Variants in ANKRD31 observed in about 807,000 individuals in gnomAD.
The protein encoded by ANKRD31 is ankyrin repeat domain-containing protein 31.
ANKRD31 carries 147 observed loss-of-function variants against 186.0 expected under a neutral mutation model. The ratio of observed to expected loss-of-function variants is 0.79; its 90% CI spans 0.69 to 0.91. The LOEUF is 0.91. Ranked by LOEUF, ANKRD31 falls within the 40% of genes least tolerant of loss-of-function variation. The probability of loss-of-function intolerance (pLI) is 0.00; values close to 1 mark genes in which losing one functional copy is unlikely to be tolerated. For missense variants in ANKRD31, 1,986 were observed against 2,148.8 expected (o/e 0.92, Z 1.50); for synonymous variants, 673 against 736.4 (o/e 0.91, Z 1.39).
At chr5:75,085,143 T>C (rs1745382782) in intron 23 of ANKRD31, among the ~76,000 whole-genome samples, 1 of 152,160 alleles carries the variant, frequency 6.6e-6, no homozygotes, top group Non-Finnish European at 1.5e-5. Context: ...TAACCTCTAG[T>C]TTCAAGGAAT....
In ANKRD31 at chr5:75,154,306, A is replaced by G; in HGVS notation, c.1747T>C (p.Phe583Leu). 6.5e-7 allele frequency: 1 copy of G among 1,535,890 alleles called. No individual in the cohort carries two copies. ...LLLLNGADPL[F>L]RNDDGKCALD... The stretch of plus-strand genomic sequence containing the variant: ...GCACATTTTCCATCATCATTTCTAA[A>G]TAATGGATCAGCTCCATTCAGAAGA... The change falls in exon 12 of 26, where the codon TTT becomes CTT. Residue 583 changes from phenylalanine (F) to leucine (L), a missense_variant. Physicochemically the swap from Phe to Leu is conservative, Grantham distance 22 (BLOSUM62 0). Coordinates refer to ENST00000506364, the MANE Select transcript of ANKRD31 (RefSeq NM_001372053.1).
intron 2 of ANKRD31, among the ~76,000 whole-genome samples, chr5:75,226,789 G>C (rs1442748792): frequency 1.3e-5 from 2 of 152,162 alleles, no homozygotes; most frequent in Non-Finnish European, 2.9e-5. Flanking sequence ...TGAAGATGTG[G>C]AGAAAAGTGA....
chr5:75,150,185 A>G (rs979131480), intron 12 of ANKRD31, among the ~76,000 whole-genome samples: 8 of 151,882 alleles, frequency 5.3e-5, no homozygotes, highest in Non-Finnish European at 8.8e-5. Context: ...AGATAAGAAA[A>G]TTAGGAATGT....
At chr5:75,181,449 G>A (rs1187215065) in intron 10 of ANKRD31, among the ~76,000 whole-genome samples, 4 of 151,948 alleles carry the variant, frequency 2.6e-5, no homozygotes, top group African/African-American at 4.8e-5. Context: ...CGTTTATTGC[G>A]GCACTATTCA....
At position 75,169,194 on chromosome 5, in the gene ANKRD31, AC is replaced by A. The variant is rs987251968; in HGVS notation, c.1565-74del. The A allele has an allele frequency of 3.4e-6, 5 of 1,468,876 alleles. No individual in the cohort carries two copies. The African/African-American group carries it at 4.2e-5, about 12-fold the overall frequency. 91.0% of individuals were successfully genotyped at this position (1,468,876 alleles called of 1,614,324 possible). On this transcript the variant is annotated intron_variant, in intron 10 of 25. Coordinates refer to ENST00000506364, the MANE Select transcript of ANKRD31 (RefSeq NM_001372053.1). Reference sequence around the variant, plus strand: ...AATGTTTTGTGCTTGCCCTTAAAAAACAACTTTGATTCTAAGTTCTTTCTTC... The same window carrying A: ...AATGTTTTGTGCTTGCCCTTAAAAAAAACTTTGATTCTAAGTTCTTTCTTC...
Position 75,068,540 on chromosome 5 carries a change from T to C in ANKRD31, c.5772A>G (p.Glu1924=), listed in dbSNP as rs1464513091. 2 of 1,517,898 alleles carry C rather than the reference T, an allele frequency of 1.3e-6. No individual in the cohort carries two copies. Among genetic ancestry groups the C allele is most frequent in the Middle Eastern group, 1.7e-4 (1 of 5,952 alleles). The allele number at this position is 1,517,898 out of a possible 1,614,324, so 94.0% of individuals were successfully genotyped here. ...IMDQHWKFCV[E]CEELTP ...GGTTTTAGGGTGTTAGTTCCTCACA[T>C]TCCACACAAAACTTCCAATGCTGAT... Residue 1924 remains glutamate (E), a synonymous_variant, in exon 26 of 26, where the codon GAA becomes GAG. Transcript: ENST00000506364.
intron 4 of ANKRD31, among the ~76,000 whole-genome samples, chr5:75,209,648 G>T (rs1319378707): frequency 6.6e-6 from 1 of 152,198 alleles, no homozygotes; most frequent in Admixed American, 6.5e-5. Flanking sequence ...CTGCACTCCA[G>T]CCTGGGTGAC....
At chr5:75,169,542 A>G (rs1753169892) in intron 10 of ANKRD31, among the ~76,000 whole-genome samples, 2 of 152,138 alleles carry the variant, frequency 1.3e-5, no homozygotes, top group Admixed American at 1.3e-4. Flanking sequence ...CTCAGTTCAA[A>G]AGGATATATT....
At chr5:75,210,594 G>A (rs1382601824) in intron 4 of ANKRD31, among the ~76,000 whole-genome samples, 1 of 152,134 alleles carries the variant, frequency 6.6e-6, no homozygotes, top group Non-Finnish European at 1.5e-5. Flanking sequence ...TTCAAGCTAT[G>A]CTTTAAATTC....
intron 17 of ANKRD31, among the ~76,000 whole-genome samples, chr5:75,128,672 T>TC (rs1749463309): frequency 4.7e-5 from 3 of 63,188 alleles, no homozygotes; most frequent in East Asian, 8.8e-4. Flanking sequence ...CCCAGCTAAT[T>TC]TTTTTTTTTT....
At chr5:75,206,225 A>G (rs1756172255) in intron 5 of ANKRD31, among the ~76,000 whole-genome samples, 186 bp downstream of exon 5, 1 of 6,586 alleles carries the variant, frequency 1.5e-4, no homozygotes, top group African/African-American at 1.1e-3. Context: ...CCAAAAAAAA[A>G]AAAAAAAAAA....
intron 1 of ANKRD31, among the ~76,000 whole-genome samples, chr5:75,233,137 A>T (rs1352792148): frequency 6.6e-6 from 1 of 150,722 alleles, no homozygotes; most frequent in Non-Finnish European, 1.5e-5. Flanking sequence ...ATCGCAGCTT[A>T]CTGCAACCTC....
Position 75,104,862 on chromosome 5 carries a change from C to G in ANKRD31, c.4697G>C (p.Arg1566Thr). ...CATATCATTTCCAGAAAATTCTCCCCTTCTCACTGCCTCTGAATTTAGACA... is the reference window on the plus strand; with the variant it reads ...CATATCATTTCCAGAAAATTCTCCCGTTCTCACTGCCTCTGAATTTAGACA... ...NICLNSEAVR[R>T]GEFSGNDMNS... The change falls in exon 22 of 26, where the codon AGG becomes ACG. Residue 1566 changes from arginine to threonine, a missense_variant. Physicochemically the swap from Arg to Thr is moderately conservative, Grantham distance 71 (BLOSUM62 -1). Coordinates refer to ENST00000506364, the MANE Select transcript of ANKRD31 (RefSeq NM_001372053.1). 2 of 1,537,210 alleles carry G rather than the reference C, an allele frequency of 1.3e-6. No individual in the cohort carries two copies. Among genetic ancestry groups the G allele is most frequent in the African/African-American group, 1.4e-5 (1 of 73,168 alleles).
At chr5:75,130,246 T>C (rs1171796251) in intron 17 of ANKRD31, among the ~76,000 whole-genome samples, 1 of 152,184 alleles carries the variant, frequency 6.6e-6, no homozygotes, top group Non-Finnish European at 1.5e-5. Flanking sequence ...AGAGTGAAGC[T>C]GCAGACCTTC....
intron 20 of ANKRD31, among the ~76,000 whole-genome samples, chr5:75,111,696 A>C (rs923268895): frequency 8.1e-4 from 123 of 152,354 alleles, no homozygotes; most frequent in African/African-American, 2.8e-3. Context: ...TCATAACTCA[A>C]AAAATATGTG....
intron 5 of ANKRD31, among the ~76,000 whole-genome samples, chr5:75,205,152 C>T (rs1580552475): frequency 6.6e-6 from 1 of 152,342 alleles, no homozygotes; most frequent in East Asian, 1.9e-4. Flanking sequence ...AGGTGTGAGC[C>T]ACCACATCCA....
At chr5:75,074,969 C>T (rs113969219) in intron 25 of ANKRD31, among the ~76,000 whole-genome samples, 32 of 152,268 alleles carry the variant, frequency 2.1e-4, no homozygotes, top group African/African-American at 7.7e-4. Flanking sequence ...AGCACAAATA[C>T]CAGTATGTAA....
At chr5:75,206,232 A>T (rs1756183736) in intron 5 of ANKRD31, among the ~76,000 whole-genome samples, 179 bp downstream of exon 5, 2 of 14,312 alleles carry the variant, frequency 1.4e-4, no homozygotes, top group Non-Finnish European at 2.7e-4. Context: ...AAAAAAAAAA[A>T]AAAAAAAAAA....
At chr5:75,203,816 T>G (rs1207830969) in intron 5 of ANKRD31, among the ~76,000 whole-genome samples, 2 of 152,196 alleles carry the variant, frequency 1.3e-5, no homozygotes, top group Non-Finnish European at 2.9e-5. Context: ...ACCTCTAAGA[T>G]GACATCATTA....
Sources: gnomAD v4.1 joint callset for allele counts (sites outside exome capture counted in the v4.1 genomes callset) on GRCh38, gnomAD v4.1.1 for gene constraint, MANE v1.5 for transcripts, NCBI Gene and HGNC (gene_info 2026-07-23, HGNC 2026-07-21) for gene names.